The following DOCK3 variants were observed in gnomAD, a reference collection of about 807,000 sequenced individuals.
DOCK3 encodes the protein dedicator of cytokinesis 3, also known as dedicator of cytokinesis protein 3.
In DOCK3, 60 loss-of-function variants were observed where a neutral mutation model predicts 265.6. That is an observed-to-expected ratio of 0.23 (90% CI 0.18 to 0.28). DOCK3 has a LOEUF of 0.28. Ranked by LOEUF, DOCK3 falls within the 10% of genes least tolerant of loss-of-function variation. DOCK3 has a pLI of 1.00. For synonymous variants in DOCK3, 881 were observed against 938.0 expected, an observed-to-expected ratio of 0.94 and a Z score of 1.11; for missense variants, 1,981 against 2,594.3, an observed-to-expected ratio of 0.76 and a Z score of 5.14.
chr3:51,351,242 C>T (rs530925060), intron 40 of DOCK3, among the ~76,000 whole-genome samples: 17 of 152,332 alleles, frequency 1.1e-4, no homozygotes, highest in Middle Eastern at 6.8e-3. Context: ...TGATCACCCC[C>T]AGTTCCAATA....
chr3:51,261,738 C>T (rs1437710531), intron 23 of DOCK3, among the ~76,000 whole-genome samples: 1 of 152,138 alleles, frequency 6.6e-6, no homozygotes, highest in Non-Finnish European at 1.5e-5. Context: ...GAGGAGCATC[C>T]ACCATTACAG....
At chr3:50,716,209 G>A (rs1363972671) in intron 1 of DOCK3, among the ~76,000 whole-genome samples, 2 of 151,932 alleles carry the variant, frequency 1.3e-5, no homozygotes, top group Non-Finnish European at 2.9e-5. Flanking sequence ...CTTTGTTAAT[G>A]AAATTGACAA....
Position 51,374,376 on chromosome 3 carries a change from C to T in DOCK3, c.5294-93C>T, listed in dbSNP as rs1191616862. The T allele has an allele frequency of 1.4e-5, 16 of 1,184,584 alleles. No homozygotes were observed. Among genetic ancestry groups the T allele is most frequent in the Non-Finnish European group, 2.0e-5 (16 of 816,384 alleles). The allele number at this position is 1,184,584 out of a possible 1,614,324, so 73.4% of individuals were successfully genotyped here. On this transcript the variant is annotated intron_variant, in intron 49 of 52. Transcript: ENST00000266037. The surrounding 1 kb of genome is among the most constrained non-coding windows in gnomAD (Gnocchi z 4.8). ...TCCTCACCCTAACTGTAAGGGACAC[C>T]TACCCTGGTTCCCTAGTCCTGAGGA...
intron 5 of DOCK3, among the ~76,000 whole-genome samples, chr3:50,979,490 TAA>T (rs1453912034): frequency 6.6e-6 from 1 of 152,226 alleles, no homozygotes; most frequent in East Asian, 1.9e-4. Flanking sequence ...CTCTGGGTGT[TAA>T]AGAGTCTGGG....
intron 1 of DOCK3, among the ~76,000 whole-genome samples, chr3:50,738,491 A>C (rs895704577): frequency 6.6e-6 from 1 of 152,166 alleles, no homozygotes; most frequent in Non-Finnish European, 1.5e-5. Flanking sequence ...TTAGAAATCA[A>C]TGTCTGTGTT....
At chr3:51,265,881 C>G (rs1429987739) in intron 23 of DOCK3, among the ~76,000 whole-genome samples, 1 of 152,092 alleles carries the variant, frequency 6.6e-6, no homozygotes. Flanking sequence ...AAAGGGCATT[C>G]AAATAGGAAG....
intron 6 of DOCK3, among the ~76,000 whole-genome samples, chr3:51,071,144 G>A (rs1297267933): frequency 1.3e-5 from 2 of 152,118 alleles, no homozygotes; most frequent in Non-Finnish European, 2.9e-5. Context: ...AGAGTATAGA[G>A]CATTTAAAAG....
At chr3:51,210,243 G>A (rs1157306075) in intron 13 of DOCK3, among the ~76,000 whole-genome samples, 2 of 152,192 alleles carry the variant, frequency 1.3e-5, no homozygotes, top group Non-Finnish European at 2.9e-5. Flanking sequence ...GCTCCCCAGA[G>A]CGAGCAGGGA....
At chr3:51,021,672 T>TTTTTC (rs1329030723) in intron 5 of DOCK3, among the ~76,000 whole-genome samples, 1 of 151,466 alleles carries the variant, frequency 6.6e-6, no homozygotes, top group Non-Finnish European at 1.5e-5. Context: ...TTTTTTTTTT[T>TTTTTC]TCTTTTTGAG....
intron 3 of DOCK3, among the ~76,000 whole-genome samples, chr3:50,851,761 T>C (rs988309402): frequency 3.9e-5 from 6 of 152,192 alleles, no homozygotes; most frequent in Non-Finnish European, 8.8e-5. Flanking sequence ...CAAGTACCTA[T>C]TGCTAATGTG....
intron 2 of DOCK3, among the ~76,000 whole-genome samples, chr3:50,830,303 A>G (rs2045061756): frequency 6.6e-6 from 1 of 152,200 alleles, no homozygotes; most frequent in African/African-American, 2.4e-5. Context: ...TCCTCATGCA[A>G]GTCTTTACAA....
intron 52 of DOCK3, 111 bp downstream of exon 52, chr3:51,380,318 C>G: frequency 9.6e-7 from 1 of 1,037,308 alleles, no homozygotes; most frequent in South Asian, 1.7e-5. Flanking sequence ...CTTCACCTCT[C>G]TCCCCAGCCT....
At chr3:51,212,389 C>G (rs902589673) in intron 13 of DOCK3, among the ~76,000 whole-genome samples, 1 of 150,178 alleles carries the variant, frequency 6.7e-6, no homozygotes, top group Non-Finnish European at 1.5e-5. Flanking sequence ...TCAGTGAGTA[C>G]TTAAACCCTT....
chr3:51,139,262 G>T (rs1488141268), intron 9 of DOCK3, among the ~76,000 whole-genome samples: 1 of 139,368 alleles, frequency 7.2e-6, no homozygotes, highest in African/African-American at 3.2e-5. Flanking sequence ...AGTGGGGGGA[G>T]GGCTAAGATG....
intron 9 of DOCK3, among the ~76,000 whole-genome samples, chr3:51,119,970 C>A (rs1038005156): frequency 6.6e-6 from 1 of 151,946 alleles, no homozygotes; most frequent in Non-Finnish European, 1.5e-5. Context: ...TCTGTCAATT[C>A]ATCAGACTCA....
At chr3:50,851,515 G>C (rs2046357218) in intron 3 of DOCK3, among the ~76,000 whole-genome samples, 1 of 152,170 alleles carries the variant, frequency 6.6e-6, no homozygotes, top group South Asian at 2.1e-4. Flanking sequence ...GATAGCACAG[G>C]CTGCTGGTCT....
chr3:50,946,067 T>C (rs2076418151), intron 5 of DOCK3, among the ~76,000 whole-genome samples: 1 of 128,918 alleles, frequency 7.8e-6, no homozygotes, highest in South Asian at 2.6e-4. Flanking sequence ...GCTCCAGCTC[T>C]GGGCAATAGA....
intron 38 of DOCK3, among the ~76,000 whole-genome samples, chr3:51,343,911 CT>C (rs1314363593): frequency 6.6e-6 from 1 of 152,252 alleles, no homozygotes; most frequent in East Asian, 1.9e-4. Context: ...GGACTGGGCT[CT>C]GGTCCACAGA....
At chr3:51,209,227 C>T (rs1356192466) in intron 13 of DOCK3, among the ~76,000 whole-genome samples, 1 of 152,154 alleles carries the variant, frequency 6.6e-6, no homozygotes, top group East Asian at 1.9e-4. Flanking sequence ...AGCTAGATAT[C>T]TATATAGATA....
Sources: gnomAD v4.1 joint callset for allele counts (sites outside exome capture counted in the v4.1 genomes callset) on GRCh38, gnomAD v4.1.1 for gene constraint, Gnocchi (gnomAD v3.1) non-coding constraint, MANE v1.5 for transcripts, NCBI Gene and HGNC (gene_info 2026-07-23, HGNC 2026-07-21) for gene names.